The following PACRG variants were observed in gnomAD, a reference collection of about 807,000 sequenced individuals.
PACRG encodes parkin coregulated.
PACRG carries 29 observed loss-of-function variants against 29.7 expected under a neutral mutation model. The observed-to-expected ratio is 0.98, with a 90% CI of 0.73 to 1.33. The LOEUF (loss-of-function observed/expected upper bound fraction) is 1.33, where lower values mean the gene tolerates loss of function less well. PACRG is among the 40% of genes most tolerant of loss of function. The probability of loss-of-function intolerance (pLI) is 0.00; values close to 1 mark genes in which losing one functional copy is unlikely to be tolerated. For missense variants in PACRG, 279 were observed against 316.2 expected, an observed-to-expected ratio of 0.88 and a Z score of 0.89; for synonymous variants, 116 against 118.7, an observed-to-expected ratio of 0.98 and a Z score of 0.15.
chr6:163,126,708 T>C (rs1334503486), intron 4 of PACRG, among the ~76,000 whole-genome samples: 10 of 152,238 alleles, frequency 6.6e-5, no homozygotes, highest in African/African-American at 2.4e-4. Flanking sequence ...TGAATATATT[T>C]AGATTTTTAA....
intron 4 of PACRG, among the ~76,000 whole-genome samples, chr6:163,313,338 C>A (rs1785512471): frequency 6.6e-6 from 1 of 151,618 alleles, no homozygotes; most frequent in Non-Finnish European, 1.5e-5. Context: ...AGTAATATAT[C>A]TGCCTGCCTT....
At chr6:163,275,097 C>T (rs1251066588) in intron 4 of PACRG, among the ~76,000 whole-genome samples, 1 of 152,064 alleles carries the variant, frequency 6.6e-6, no homozygotes, top group Non-Finnish European at 1.5e-5. Context: ...TGGTCTCAAA[C>T]TTCTGACCCC....
intron 2 of PACRG, among the ~76,000 whole-genome samples, chr6:163,003,735 T>A (rs886552588): frequency 3.9e-5 from 6 of 152,198 alleles, no homozygotes; most frequent in African/African-American, 1.4e-4. Flanking sequence ...GATAACAATA[T>A]CTGTCATTTA....
intron 2 of PACRG, among the ~76,000 whole-genome samples, chr6:162,947,364 A>AT (rs373909688): frequency 0.7 from 38,635 of 55,506 alleles, 13,135 homozygotes; most frequent in Middle Eastern, 0.84. Flanking sequence ...TATATAATGT[A>AT]ATCATATATA....
chr6:163,086,949 A>G (rs574369212), intron 3 of PACRG, among the ~76,000 whole-genome samples: 1 of 152,224 alleles, frequency 6.6e-6, no homozygotes, highest in East Asian at 2.0e-4. Context: ...GTATAAAAAC[A>G]CTTCTGAGCA....
intron 4 of PACRG, among the ~76,000 whole-genome samples, chr6:163,121,271 T>C (rs1326755990): frequency 1.3e-5 from 2 of 152,246 alleles, no homozygotes; most frequent in Non-Finnish European, 2.9e-5. Flanking sequence ...TAGTTTATCC[T>C]TCTCTTTTCC....
chr6:163,314,914 G>T lies in PACRG; in HGVS notation c.701G>T (p.Arg234Leu), dbSNP rs199844557. Residue 234 changes from arginine (R) to leucine (L), a missense_variant, in exon 5 of 5, where the codon CGC (arginine) becomes CTC (leucine). Physicochemically the swap from Arg to Leu is moderately radical, Grantham distance 102. Transcript: ENST00000366888. ...LIQETLEAFE[R>L]YGGENAFINI... is the part of the protein sequence containing the mutation. ...CAGGAGACACTGGAGGCCTTCGAGC[G>T]CTACGGAGGAGAAAATGCCTTTATC... 1 of 1,614,162 alleles carries T rather than the reference G, an allele frequency of 6.2e-7. No individual in the cohort carries two copies. The highest frequency in any genetic ancestry group is 1.7e-5 in the Admixed American group (1 of 60,012).
intron 2 of PACRG, among the ~76,000 whole-genome samples, chr6:163,005,375 C>T (rs2128204568): frequency 6.6e-6 from 1 of 151,984 alleles, no homozygotes; most frequent in East Asian, 1.9e-4. Context: ...TTACTCATTT[C>T]TTAAGGTTGA....
intron 4 of PACRG, among the ~76,000 whole-genome samples, chr6:163,289,549 C>T (rs1030255982): frequency 1.3e-5 from 2 of 152,062 alleles, no homozygotes; most frequent in Admixed American, 6.5e-5. Flanking sequence ...GTTAAGGAAG[C>T]CTTATCATGA....
intron 4 of PACRG, among the ~76,000 whole-genome samples, chr6:163,216,448 G>A (rs946018617): frequency 6.6e-6 from 1 of 152,192 alleles, no homozygotes; most frequent in Non-Finnish European, 1.5e-5. Context: ...GAAGAAAAAC[G>A]AAGAGGAACA....
rs1810531908 is a variant in PACRG, at chr6:163,055,769, C to T, written c.292-6381C>T. ...CAGTAAGTACTCTCATACAGTGTGA[C>T]CATGACCACCATCTAGTTCCAGAAC... On this transcript the variant is annotated intron_variant, in intron 2 of 4. Coordinates refer to ENST00000366888, the MANE Select transcript of PACRG (RefSeq NM_001080379.2). This position sits in a 1 kb window ranked among gnomAD's most constrained non-coding sequence, Gnocchi z 4.0. Among the ~76,000 whole-genome samples the T allele has an allele frequency of 6.6e-6, 1 of 152,082 alleles. No homozygotes were observed. Among genetic ancestry groups the T allele is most frequent in the Non-Finnish European group, 1.5e-5 (1 of 68,018 alleles).
At chr6:162,785,994 A>G (rs1379598828) in intron 1 of PACRG, among the ~76,000 whole-genome samples, 1 of 152,190 alleles carries the variant, frequency 6.6e-6, no homozygotes, top group East Asian at 1.9e-4. Context: ...ATCACAACAG[A>G]GTAATTGCGC....
chr6:162,975,912 T>G (rs897529390), intron 2 of PACRG, among the ~76,000 whole-genome samples: 3 of 151,734 alleles, frequency 2.0e-5, no homozygotes, highest in Admixed American at 6.6e-5. Flanking sequence ...AATACAAAGA[T>G]GAAAAGTTAC....
chr6:162,820,334 G>C (rs1394265520), intron 2 of PACRG, among the ~76,000 whole-genome samples: 1 of 151,744 alleles, frequency 6.6e-6, no homozygotes, highest in Non-Finnish European at 1.5e-5. Flanking sequence ...CAGCAGCATT[G>C]GTATTCAGGA....
intron 2 of PACRG, among the ~76,000 whole-genome samples, chr6:162,875,012 T>C (rs1793180607): frequency 6.6e-6 from 1 of 152,002 alleles, no homozygotes; most frequent in Non-Finnish European, 1.5e-5. Context: ...CATACACATG[T>C]ATGTATTCAC....
At chr6:163,186,347 G>C (rs900403729) in intron 4 of PACRG, among the ~76,000 whole-genome samples, 1 of 152,116 alleles carries the variant, frequency 6.6e-6, no homozygotes, top group Non-Finnish European at 1.5e-5. Context: ...AGATTACTGA[G>C]GGAATTCTCT....
At chr6:162,727,256 A>G, upstream of PACRG, 1 of 213,808 alleles carries the variant, frequency 4.7e-6, no homozygotes, top group African/African-American at 2.4e-5. Context: ...TGGGTCCTGA[A>G]CCGCACCACA....
rs1007498632 is a variant in PACRG, at chr6:163,207,933, A to C, written c.614-106894A>C. Among the ~76,000 whole-genome samples the C allele has an allele frequency of 2.0e-5, 3 of 152,230 alleles. No homozygotes were observed. The East Asian group carries it at 5.8e-4, about 29-fold the overall frequency. ...AGAAAGGCAAGCTCTCAATCTGTGG[A>C]TACCATATGGATGTCGCTGAGAAGG... On this transcript the variant is annotated intron_variant, in intron 4 of 4. Coordinates refer to ENST00000366888, the MANE Select transcript of PACRG (RefSeq NM_001080379.2).
intron 4 of PACRG, among the ~76,000 whole-genome samples, chr6:163,139,747 T>A (rs947325823): frequency 5.9e-5 from 9 of 151,390 alleles, no homozygotes; most frequent in Non-Finnish European, 1.2e-4. Flanking sequence ...TTACAAAAAC[T>A]GCAGTTACTT....
Sources: allele counts gnomAD v4.1 joint callset (sites outside exome capture counted in the v4.1 genomes callset), GRCh38; gene constraint gnomAD v4.1.1; non-coding constraint Gnocchi (gnomAD v3.1); transcripts MANE v1.5; gene names NCBI Gene and HGNC (gene_info 2026-07-23, HGNC 2026-07-21).